MTMR4: variants seen among roughly 807,000 people sequenced by gnomAD.
MTMR4 encodes myotubularin related protein 4, also known as phosphatidylinositol-3,5-bisphosphate 3-phosphatase MTMR4.
A neutral mutation model predicts 125.5 loss-of-function variants in MTMR4; 30 were observed. The observed-to-expected ratio is 0.24, with a 90% CI of 0.18 to 0.32. MTMR4 has a LOEUF of 0.32. Among genes scored for constraint, MTMR4 ranks in the 10% least tolerant of loss-of-function variants. The pLI, the probability that MTMR4 is intolerant of heterozygous loss-of-function variation, is 1.00. For synonymous variants in MTMR4, 498 were observed against 564.5 expected, an observed-to-expected ratio of 0.88 and a Z score of 1.67; for missense variants, 1,039 against 1,511.5, an observed-to-expected ratio of 0.69 and a Z score of 5.18.
chr17:58,495,370 AGGGGTGGCCTCCCCACTT>A lies in MTMR4; in HGVS notation c.2796_2813del (p.Ser933_Pro938del). On this transcript the variant is annotated inframe_deletion, in exon 15 of 18. Transcript: ENST00000682306. The stretch of plus-strand genomic sequence containing the variant: ...AACAGCCATAGGAAAGCAGCCGCCG[AGGGGTGGCCTCCCCACTT>A]GGGAATGAAGTCACCATCCCTTGGA... 6.2e-7 allele frequency: 1 copy of A among 1,614,200 alleles called. No homozygotes were observed. The highest frequency in any genetic ancestry group is 1.1e-5 in the South Asian group (1 of 91,086).
upstream of MTMR4, chr17:58,516,478 G>T (rs1192771156): frequency 9.6e-6 from 12 of 1,253,060 alleles, no homozygotes; most frequent in South Asian, 1.4e-4. Flanking sequence ...GCTGAACAGG[G>T]TAGCCTGGAG....
chr17:58,504,977 A>G lies in MTMR4; in HGVS notation c.1146-3T>C. 2 of 1,594,072 alleles carry G rather than the reference A, an allele frequency of 1.3e-6. No individual in the cohort carries two copies. Among genetic ancestry groups the G allele is most frequent in the Non-Finnish European group, 1.7e-6 (2 of 1,168,176 alleles). On this transcript the variant is annotated splice_region_variant and splice_polypyrimidine_tract_variant and intron_variant, in intron 10 of 17. Transcript: ENST00000682306. This position sits in a 1 kb window ranked among gnomAD's most constrained non-coding sequence, Gnocchi z 7.1. ...TACTCTCCAGTGCCGACAACCAGCT[A>G]CACAAAAGCAGACATCAAGTCGGTC... is the stretch of plus-strand genomic sequence containing the variant.
At position 58,508,533 on chromosome 17, in the gene MTMR4, C is replaced by T. The variant is rs1460354344; in HGVS notation, c.528G>A (p.Glu176=). ...GEHIRCRQEA[E]LARMGFDLQN... is the part of the protein sequence containing the mutation. The stretch of plus-strand genomic sequence containing the variant: ...GCAGGTCAAAGCCCATCCTTGCAAG[C>T]TCCGCCTCCTGTCGACAACGTATGT... The change falls in exon 6 of 18, where the codon GAG becomes GAA. Residue 176 remains glutamate, a synonymous_variant. Coordinates refer to ENST00000682306, the MANE Select transcript of MTMR4 (RefSeq NM_001378067.1). The surrounding 1 kb of genome is among the most constrained non-coding windows in gnomAD (Gnocchi z 4.8). 2 of 1,614,254 alleles carry T rather than the reference C, an allele frequency of 1.2e-6. No individual in the cohort carries two copies. Among genetic ancestry groups the T allele is most frequent in the East Asian group, 4.5e-5 (2 of 44,890 alleles).
At position 58,514,533 on chromosome 17, in the gene MTMR4, G is replaced by A; in HGVS notation, c.-126C>T. ...GCAGCCGCGGCGGCCAAGAGGCTAGGGCGCTGGTGGCCGGGCCTCCGCGCG... is the reference window on the plus strand; with the variant it reads ...GCAGCCGCGGCGGCCAAGAGGCTAGAGCGCTGGTGGCCGGGCCTCCGCGCG... On this transcript the variant is annotated 5_prime_UTR_variant, in exon 1 of 18. Coordinates refer to ENST00000682306, the MANE Select transcript of MTMR4 (RefSeq NM_001378067.1). 3 of 985,124 alleles carry A rather than the reference G, an allele frequency of 3.0e-6. No individual in the cohort carries two copies. Among genetic ancestry groups the A allele is most frequent in the Non-Finnish European group, 3.6e-6 (3 of 829,856 alleles). 61.0% of individuals were successfully genotyped at this position (985,124 alleles called of 1,614,324 possible).
Position 58,508,511 on chromosome 17 carries a change from G to T in MTMR4, c.550C>A (p.Leu184Met), listed in dbSNP as rs3744108. Reference sequence around the variant, plus strand: ...TGTGAGACTCTCCAGACGTTCTGCAGGTCAAAGCCCATCCTTGCAAGCTCC... The same window carrying T: ...TGTGAGACTCTCCAGACGTTCTGCATGTCAAAGCCCATCCTTGCAAGCTCC... Reference protein sequence around the residue: ...EAELARMGFDLQNVWRVSHIN... With the variant: ...EAELARMGFDMQNVWRVSHIN... The change falls in exon 6 of 18, where the codon CTG (leucine) becomes ATG (methionine). Residue 184 changes from leucine to methionine, a missense_variant. Leu to Met is a conservative substitution (Grantham distance 15). This residue lies in a region of MTMR4 where 202 missense variants were observed against 311.9 expected (regional missense o/e 0.65). Coordinates refer to ENST00000682306, the MANE Select transcript of MTMR4 (RefSeq NM_001378067.1). The surrounding 1 kb of genome is among the most constrained non-coding windows in gnomAD (Gnocchi z 4.8). 8 of 1,613,924 alleles carry T rather than the reference G, an allele frequency of 5.0e-6. No individual in the cohort carries two copies. The East Asian group carries it at 8.9e-5, about 18-fold the overall frequency.
At chr17:58,497,925 A>G (rs1315836726) in intron 14 of MTMR4, among the ~76,000 whole-genome samples, 1 of 152,210 alleles carries the variant, frequency 6.6e-6, no homozygotes, top group Non-Finnish European at 1.5e-5. Context: ...ACTTTCAAGC[A>G]TACAAAAGAA....
chr17:58,502,012 TTG>T (rs567872843), intron 14 of MTMR4, among the ~76,000 whole-genome samples: 187 of 151,834 alleles, frequency 1.2e-3, no homozygotes, highest in Non-Finnish European at 1.9e-3. Flanking sequence ...TGAGCTGAGA[TTG>T]TGCCACTGCA....
Position 58,512,726 on chromosome 17 carries a change from C to T in MTMR4, c.135+126G>A. The T allele has an allele frequency of 1.1e-6, 1 of 886,300 alleles. No individual in the cohort carries two copies. Among genetic ancestry groups the T allele is most frequent in the Non-Finnish European group, 1.8e-6 (1 of 560,698 alleles). 54.9% of individuals were successfully genotyped at this position (886,300 alleles called of 1,614,324 possible). The stretch of plus-strand genomic sequence containing the variant: ...GATGCGCAGACAAACCCTCCTCCTC[C>T]AGAGACCAGGGAACATGAAGCCAGA... On this transcript the variant is annotated intron_variant, in intron 2 of 17. Transcript: ENST00000682306. This position sits in a 1 kb window ranked among gnomAD's most constrained non-coding sequence, Gnocchi z 4.1.
intron 10 of MTMR4, 30 bp from the exon 11 acceptor site, chr17:58,505,004 C>CA: frequency 6.4e-7 from 1 of 1,570,796 alleles, no homozygotes; most frequent in Non-Finnish European, 8.6e-7. Flanking sequence ...AAGTCGGTCA[C>CA]AAAGGGTGCT....
At chr17:58,499,863 C>T (rs1483496999) in intron 14 of MTMR4, among the ~76,000 whole-genome samples, 1 of 151,684 alleles carries the variant, frequency 6.6e-6, no homozygotes, top group Non-Finnish European at 1.5e-5. Context: ...ATCTCCTGAC[C>T]TCATGATCCG....
intron 1 of MTMR4, among the ~76,000 whole-genome samples, chr17:58,513,303 A>C (rs1484425479): frequency 6.6e-6 from 1 of 152,176 alleles, no homozygotes; most frequent in Non-Finnish European, 1.5e-5. Flanking sequence ...TGGGGATGGG[A>C]AAGTGCTGTC....
intron 14 of MTMR4, among the ~76,000 whole-genome samples, chr17:58,502,249 C>A (rs146539980): frequency 7.3e-5 from 11 of 151,334 alleles, no homozygotes; most frequent in Non-Finnish European, 1.0e-4. Context: ...CTCCACCCCC[C>A]CAGATTCAAG....
upstream of MTMR4, among the ~76,000 whole-genome samples, chr17:58,518,093 T>A (rs1056287951): frequency 6.6e-6 from 1 of 152,090 alleles, no homozygotes; most frequent in South Asian, 2.1e-4. Context: ...AGACTATACC[T>A]GGAGGAAGGA....
rs1404718817 is a variant in MTMR4, at chr17:58,489,995, T to A, written c.*1668A>T. 1 of 152,600 alleles carries A rather than the reference T, an allele frequency of 6.6e-6. No individual in the cohort carries two copies. The highest frequency in any genetic ancestry group is 1.5e-5 in the Non-Finnish European group (1 of 68,026). 9.5% of individuals were successfully genotyped at this position (152,600 alleles called of 1,614,324 possible). ...AGACACAAAATCTCCATTATTCAGC[T>A]CCATTTAAATGAAAAAAAAAGTTCC... On this transcript the variant is annotated 3_prime_UTR_variant, in exon 18 of 18. Transcript: ENST00000682306.
chr17:58,501,413 A>C (rs1207189344), intron 14 of MTMR4, among the ~76,000 whole-genome samples: 1 of 152,102 alleles, frequency 6.6e-6, no homozygotes. Flanking sequence ...GGATTACCTG[A>C]GGTCAGGAGT....
At position 58,506,070 on chromosome 17, in the gene MTMR4, C is replaced by T. The variant is rs1315532841; in HGVS notation, c.1034-487G>A. ...ACTTGTATCTCTGGAGACTCAGGTGCCATATATTAATAATAGTAACAGTAA... is the reference window on the plus strand; with the variant it reads ...ACTTGTATCTCTGGAGACTCAGGTGTCATATATTAATAATAGTAACAGTAA... On this transcript the variant is annotated intron_variant, in intron 9 of 17. Coordinates refer to ENST00000682306, the MANE Select transcript of MTMR4 (RefSeq NM_001378067.1). Among the ~76,000 whole-genome samples the T allele has an allele frequency of 2.6e-5, 4 of 152,132 alleles. No individual in the cohort carries two copies. In the East Asian group the frequency reaches 7.7e-4, roughly 29 times the overall value.
Position 58,504,812 on chromosome 17 carries a change from T to C in MTMR4, c.1308A>G (p.Lys436=), listed in dbSNP as rs1457316150. ...TCCTGTAATATGGGTCCAGTAATAT[T>C]TTGGCCAGGGCTACGATCTGCGGTG... ...DRTPQIVALA[K]ILLDPYYRTL... The change falls in exon 11 of 18, where the codon AAA becomes AAG. Residue 436 remains lysine, a synonymous_variant. Transcript: ENST00000682306. The surrounding 1 kb of genome is among the most constrained non-coding windows in gnomAD (Gnocchi z 7.1). 1 of 1,611,248 alleles carries C rather than the reference T, an allele frequency of 6.2e-7. No homozygotes were observed. Among genetic ancestry groups the C allele is most frequent in the Non-Finnish European group, 8.5e-7 (1 of 1,178,780 alleles).
chr17:58,507,561 A>G (rs1198726271), intron 7 of MTMR4, among the ~76,000 whole-genome samples: 1 of 152,234 alleles, frequency 6.6e-6, no homozygotes, highest in Admixed American at 6.5e-5. Flanking sequence ...CTGCACAGCA[A>G]CTGCTCCAGG....
chr17:58,492,827 T>A lies in MTMR4; in HGVS notation c.3363+15A>T. ...GGCTCACGTAAGTACCCACCACATA[T>A]GTGCCTAAACATACCTCAGTCTCTT... is the stretch of plus-strand genomic sequence containing the variant. On this transcript the variant is annotated intron_variant, in intron 16 of 17. Transcript: ENST00000682306. The A allele has an allele frequency of 6.2e-7, 1 of 1,606,950 alleles. No individual in the cohort carries two copies. The highest frequency in any genetic ancestry group is 1.7e-4 in the Middle Eastern group (1 of 6,046).
Sources: allele counts gnomAD v4.1 joint callset (sites outside exome capture counted in the v4.1 genomes callset), GRCh38; gene constraint gnomAD v4.1.1; regional missense constraint gnomAD v4.1.1; non-coding constraint Gnocchi (gnomAD v3.1); transcripts MANE v1.5; gene names NCBI Gene and HGNC (gene_info 2026-07-23, HGNC 2026-07-21).